TCF4: variants seen among roughly 807,000 people sequenced by gnomAD.
TCF4 encodes the protein transcription factor 4.
TCF4 carries 3 observed loss-of-function variants against 82.1 expected under a neutral mutation model. That is an observed-to-expected ratio of 0.04 (90% confidence interval 0.02 to 0.09). The LOEUF (loss-of-function observed/expected upper bound fraction) is 0.09. Among genes scored for constraint, TCF4 ranks in the 10% least tolerant of loss-of-function variants. The pLI is 1.00. For synonymous variants in TCF4, 276 were observed against 309.6 expected (o/e 0.89, Z 1.14); for missense variants, 518 against 852.7 (o/e 0.61, Z 4.89).
intron 8 of TCF4, among the ~76,000 whole-genome samples, chr18:55,300,370 T>C (rs2067832915): frequency 6.7e-6 from 1 of 149,124 alleles, no homozygotes; most frequent in South Asian, 2.2e-4. Flanking sequence ...GGGCCACATG[T>C]TCCTGGCGGT....
At chr18:55,299,975 T>C (rs2067659879) in intron 8 of TCF4, among the ~76,000 whole-genome samples, 1 of 152,132 alleles carries the variant, frequency 6.6e-6, no homozygotes, top group African/African-American at 2.4e-5. Context: ...TCTTATGGCC[T>C]GGGATGTACA....
At chr18:55,322,118 T>TG (rs1417637968) in intron 8 of TCF4, 276 of 1,068,742 alleles carry the variant, frequency 2.6e-4, no homozygotes, top group Middle Eastern at 1.2e-3. Context: ...TTTTTTTTTT[T>TG]TTTTGTTTTG....
At chr18:55,328,597 A>C (rs1432880642) in intron 8 of TCF4, among the ~76,000 whole-genome samples, 1 of 152,180 alleles carries the variant, frequency 6.6e-6, no homozygotes, top group African/African-American at 2.4e-5. Flanking sequence ...AGTCAAATGA[A>C]ATTCGAGGAC....
chr18:55,585,408 C>A, intron 2 of TCF4, 56 bp from the exon 3 acceptor site: 1 of 1,482,736 alleles, frequency 6.7e-7, no homozygotes, highest in South Asian at 1.1e-5. Flanking sequence ...GCCTTCAGAG[C>A]TCCTCAAAGA....
chr18:55,406,599 A>C (rs1410856402), intron 5 of TCF4, among the ~76,000 whole-genome samples: 16 of 152,184 alleles, frequency 1.1e-4, no homozygotes, highest in East Asian at 3.9e-4. Context: ...AGGATCCTTA[A>C]GTAACTATCT....
chr18:55,308,128 T>C (rs1367659008), intron 8 of TCF4, among the ~76,000 whole-genome samples: 2 of 152,238 alleles, frequency 1.3e-5, no homozygotes, highest in Admixed American at 6.5e-5. Flanking sequence ...AGGTATGTAC[T>C]TACTTAAGTA....
At chr18:55,303,238 C>CACACACACACACACACACCCCT (rs1555851804) in intron 8 of TCF4, among the ~76,000 whole-genome samples, 49 of 145,414 alleles carry the variant, frequency 3.4e-4, no homozygotes, top group African/African-American at 1.1e-3. Context: ...CACACACACA[C>CACACACACACACACACACCCCT]ACACACACAC....
chr18:55,425,683 G>C (rs909299333), intron 5 of TCF4, among the ~76,000 whole-genome samples: 1 of 152,198 alleles, frequency 6.6e-6, no homozygotes, highest in African/African-American at 2.4e-5. Flanking sequence ...AAAAGCAGAT[G>C]TGTACGTTGG....
At chr18:55,303,333 G>T (rs1568862941) in intron 8 of TCF4, among the ~76,000 whole-genome samples, 2 of 151,602 alleles carry the variant, frequency 1.3e-5, no homozygotes. Flanking sequence ...TAAAATGCAG[G>T]ATCGCTTTCC....
intron 5 of TCF4, among the ~76,000 whole-genome samples, chr18:55,419,333 T>C (rs933270408): frequency 6.6e-6 from 1 of 152,208 alleles, no homozygotes; most frequent in African/African-American, 2.4e-5. Context: ...AATTGGGTTT[T>C]ACCAACAAAA....
At chr18:55,533,504 C>T (rs2097089029) in intron 3 of TCF4, among the ~76,000 whole-genome samples, 1 of 152,156 alleles carries the variant, frequency 6.6e-6, no homozygotes. Context: ...TCCTCAGCTG[C>T]TCTCAAGATC....
chr18:55,345,409 T>A (rs916234865), intron 8 of TCF4, among the ~76,000 whole-genome samples: 1 of 152,190 alleles, frequency 6.6e-6, no homozygotes, highest in Admixed American at 6.5e-5. Context: ...GCTTTCACTG[T>A]TCCCCATTGT....
intron 6 of TCF4, among the ~76,000 whole-genome samples, chr18:55,388,022 C>T (rs532481804): frequency 2.6e-5 from 4 of 152,302 alleles, no homozygotes; most frequent in African/African-American, 2.4e-5. Context: ...TGCTACAAAG[C>T]GGCACTGGAT....
intron 8 of TCF4, among the ~76,000 whole-genome samples, chr18:55,319,730 A>T (rs2075029219): frequency 6.6e-6 from 1 of 152,118 alleles, no homozygotes; most frequent in Non-Finnish European, 1.5e-5. Context: ...GAGAGGGCAT[A>T]TTAGTGATAT....
At chr18:55,468,314 G>A (rs2096076755) in intron 3 of TCF4, among the ~76,000 whole-genome samples, 1 of 152,208 alleles carries the variant, frequency 6.6e-6, no homozygotes, top group Non-Finnish European at 1.5e-5. Context: ...AAGCTATTAA[G>A]TAGACAAAGC....
chr18:55,393,756 C>A (rs897456601), intron 6 of TCF4, among the ~76,000 whole-genome samples: 1 of 152,016 alleles, frequency 6.6e-6, no homozygotes, highest in African/African-American at 2.4e-5. Flanking sequence ...CATCAAAGTA[C>A]GAGGAAAGCT....
At chr18:55,618,964 C>CT (rs113918313) in intron 2 of TCF4, among the ~76,000 whole-genome samples, 2 of 151,098 alleles carry the variant, frequency 1.3e-5, no homozygotes, top group Non-Finnish European at 3.0e-5. Flanking sequence ...TTAGTTTGTT[C>CT]TTTTTTTTTC....
intron 5 of TCF4, among the ~76,000 whole-genome samples, chr18:55,425,769 C>T (rs570211359): frequency 3.2e-4 from 49 of 152,276 alleles, no homozygotes; most frequent in African/African-American, 1.1e-3. Flanking sequence ...CGATCTCCTC[C>T]CCCTTCCAAT....
At chr18:55,335,096 G>A (rs189706954) in intron 8 of TCF4, among the ~76,000 whole-genome samples, 1 of 152,302 alleles carries the variant, frequency 6.6e-6, no homozygotes, top group East Asian at 1.9e-4. Context: ...AGCAGGAAGT[G>A]TGCCGGCCAC....
Sources: allele counts gnomAD v4.1 joint callset (sites outside exome capture counted in the v4.1 genomes callset), GRCh38; gene constraint gnomAD v4.1.1; transcripts MANE v1.5; gene names NCBI Gene and HGNC (gene_info 2026-07-23, HGNC 2026-07-21).